Variants in THSD7A observed in about 807,000 individuals in gnomAD.
The protein encoded by THSD7A is thrombospondin type 1 domain containing 7A.
In THSD7A, 96 loss-of-function variants were observed where a neutral mutation model predicts 231.3. That is an observed-to-expected ratio of 0.41 (90% CI 0.35 to 0.49). THSD7A has a LOEUF of 0.49. THSD7A is among the 20% of genes least tolerant of loss of function. THSD7A has a pLI of 0.05. For synonymous variants in THSD7A, 940 were observed against 743.3 expected, an observed-to-expected ratio of 1.26 and a Z score of -4.30; for missense variants, 2,290 against 2,070.2, an observed-to-expected ratio of 1.11 and a Z score of -2.06.
chr7:11,736,778 G>T (rs1485714744), intron 1 of THSD7A, among the ~76,000 whole-genome samples: 3 of 151,952 alleles, frequency 2.0e-5, no homozygotes, highest in Non-Finnish European at 4.4e-5. Flanking sequence ...CTGACTCTTT[G>T]AAAGTACTTG....
intron 1 of THSD7A, among the ~76,000 whole-genome samples, chr7:11,671,947 C>T (rs1398198804): frequency 1.3e-5 from 2 of 152,096 alleles, no homozygotes; most frequent in Non-Finnish European, 2.9e-5. Context: ...ATTTCCTTCT[C>T]TTTTTGTTCT....
Position 11,401,880 on chromosome 7 carries a change from C to T in THSD7A, c.4326G>A (p.Gln1442=). Residue 1442 remains glutamine, a synonymous_variant, in exon 23 of 28, where the codon CAG becomes CAA. Transcript: ENST00000423059. ...GTATAATCACCGGTCTGGATCTGAC[C>T]TGTATTCCACCAAAGCCTAGATCCT... The part of the protein sequence containing the change: ...NGEDLGFGGI[Q]VRSRPVIIQE... The T allele has an allele frequency of 6.2e-7, 1 of 1,613,894 alleles. No individual in the cohort carries two copies. The highest frequency in any genetic ancestry group is 1.1e-5 in the South Asian group (1 of 91,082).
chr7:11,606,062 T>C (rs186984970), intron 2 of THSD7A, among the ~76,000 whole-genome samples: 1 of 152,252 alleles, frequency 6.6e-6, no homozygotes, highest in East Asian at 1.9e-4. Context: ...AGTCAAAATG[T>C]GATCCATGAA....
At position 11,590,557 on chromosome 7, in the gene THSD7A, C is replaced by T. The variant is rs762848842; in HGVS notation, c.1356G>A (p.Thr452=). ...TCTGGATGCCCCCTCCACAGAGGGC[C>T]GTCTGGTTGCCGCGCCTCTTGTCCT... is the stretch of plus-strand genomic sequence containing the variant. The part of the protein sequence containing the change: ...SQQDKRRGNQ[T]ALCGGGIQTR... The change falls in exon 4 of 28, where the codon ACG becomes ACA. Residue 452 remains threonine (T), a synonymous_variant. Coordinates refer to ENST00000423059, the MANE Select transcript of THSD7A (RefSeq NM_015204.3). This position sits in a 1 kb window ranked among gnomAD's most constrained non-coding sequence, Gnocchi z 4.4. 4.5e-5 allele frequency: 73 copies of T among 1,613,698 alleles called. No homozygotes were observed. Among genetic ancestry groups the T allele is most frequent in the Non-Finnish European group, 5.8e-5 (69 of 1,179,824 alleles).
chr7:11,691,836 C>G (rs1473434578), intron 1 of THSD7A, among the ~76,000 whole-genome samples: 1 of 151,092 alleles, frequency 6.6e-6, no homozygotes, highest in African/African-American at 2.4e-5. Flanking sequence ...TTATGTTTCT[C>G]CTATCATAGG....
chr7:11,418,266 T>G lies in THSD7A; in HGVS notation c.3384-663A>C, dbSNP rs188099961. Reference sequence around the variant, plus strand: ...CGCATAGGTTCTCTAAATATGGTTATTTGGATTTTCCTACTACTTGACTTG... The same window carrying G: ...CGCATAGGTTCTCTAAATATGGTTAGTTGGATTTTCCTACTACTTGACTTG... On this transcript the variant is annotated intron_variant, in intron 16 of 27. Coordinates refer to ENST00000423059, the MANE Select transcript of THSD7A (RefSeq NM_015204.3). 1.4e-3 allele frequency among the ~76,000 whole-genome samples: 216 copies of G among 152,320 alleles called. 1 individual carries two copies. The highest frequency in any genetic ancestry group is 5.0e-3 in the African/African-American group (206 of 41,584).
At chr7:11,408,553 C>T (rs1386749200) in intron 19 of THSD7A, among the ~76,000 whole-genome samples, 1 of 151,378 alleles carries the variant, frequency 6.6e-6, no homozygotes, top group African/African-American at 2.4e-5. Flanking sequence ...AATGTAAGAG[C>T]TTGTTAGGAG....
At chr7:11,399,026 C>T (rs1276739002) in intron 23 of THSD7A, among the ~76,000 whole-genome samples, 1 of 152,164 alleles carries the variant, frequency 6.6e-6, no homozygotes, top group Non-Finnish European at 1.5e-5. Flanking sequence ...AGGTCTATTA[C>T]CAAAGTCATG....
intron 1 of THSD7A, among the ~76,000 whole-genome samples, chr7:11,781,494 G>C (rs1783630964): frequency 6.6e-6 from 1 of 151,912 alleles, no homozygotes; most frequent in Non-Finnish European, 1.5e-5. Flanking sequence ...AGAAAGGGAA[G>C]GAAAAGTTAT....
intron 11 of THSD7A, among the ~76,000 whole-genome samples, chr7:11,450,420 C>T (rs1342074314): frequency 2.0e-5 from 3 of 151,982 alleles, no homozygotes; most frequent in Non-Finnish European, 4.4e-5. Context: ...GAATAAATTA[C>T]TCATACAATG....
At chr7:11,689,784 G>T (rs1057117046) in intron 1 of THSD7A, among the ~76,000 whole-genome samples, 1 of 103,170 alleles carries the variant, frequency 9.7e-6, no homozygotes, top group African/African-American at 3.7e-5. Flanking sequence ...CTCCAATTAA[G>T]AAAATTCTCA....
At chr7:11,508,521 TGAGAA>T (rs1211235076) in intron 6 of THSD7A, among the ~76,000 whole-genome samples, 4 of 152,208 alleles carry the variant, frequency 2.6e-5, no homozygotes, top group African/African-American at 9.6e-5. Flanking sequence ...GTAGCTGCTC[TGAGAA>T]ATGATATGGC....
intron 6 of THSD7A, among the ~76,000 whole-genome samples, chr7:11,533,942 T>A (rs548953299): frequency 1.3e-5 from 2 of 152,218 alleles, no homozygotes; most frequent in African/African-American, 4.8e-5. Context: ...CCTGTTTTTC[T>A]CATTTTTGAA....
At chr7:11,551,734 T>A (rs771763037) in intron 4 of THSD7A, among the ~76,000 whole-genome samples, 1 of 152,172 alleles carries the variant, frequency 6.6e-6, no homozygotes, top group Non-Finnish European at 1.5e-5. Context: ...AGAACACTTA[T>A]ACACTGCCAG....
chr7:11,480,707 G>A (rs1318506673), intron 7 of THSD7A, among the ~76,000 whole-genome samples: 4 of 152,034 alleles, frequency 2.6e-5, no homozygotes, highest in Non-Finnish European at 5.9e-5. Flanking sequence ...ACACTCATGT[G>A]CAAAGGCCAA....
intron 1 of THSD7A, among the ~76,000 whole-genome samples, chr7:11,758,915 T>C (rs1165481669): frequency 6.6e-6 from 1 of 152,064 alleles, no homozygotes; most frequent in Non-Finnish European, 1.5e-5. Context: ...ACTTTATTCA[T>C]GAAAGCAGGC....
chr7:11,813,712 CAAAATAATAATA>C, intron 1 of THSD7A, among the ~76,000 whole-genome samples: 1 of 122,668 alleles, frequency 8.2e-6, no homozygotes, highest in East Asian at 2.3e-4. Flanking sequence ...GACTCCATCT[CAAAATAATAATA>C]ATAATAATAA....
chr7:11,613,056 A>G (rs1780985580), intron 2 of THSD7A, among the ~76,000 whole-genome samples: 1 of 152,176 alleles, frequency 6.6e-6, no homozygotes, highest in Non-Finnish European at 1.5e-5. Flanking sequence ...AAATCTCAAA[A>G]CCAGAAAGTA....
At chr7:11,514,116 C>T (rs1052208620) in intron 6 of THSD7A, among the ~76,000 whole-genome samples, 1 of 152,062 alleles carries the variant, frequency 6.6e-6, no homozygotes, top group Non-Finnish European at 1.5e-5. Flanking sequence ...TTTCTTCTGT[C>T]CCTGCTTAAA....
Sources: allele counts gnomAD v4.1 joint callset (sites outside exome capture counted in the v4.1 genomes callset), GRCh38; gene constraint gnomAD v4.1.1; non-coding constraint Gnocchi (gnomAD v3.1); transcripts MANE v1.5; gene names NCBI Gene and HGNC (gene_info 2026-07-23, HGNC 2026-07-21).